The following SNAP91 variants were observed in gnomAD, a reference collection of about 807,000 sequenced individuals.
SNAP91 encodes synaptosome associated protein 91.
Under a neutral mutation model 100.3 loss-of-function variants are expected in SNAP91, and 27 were observed. The observed-to-expected ratio is 0.27, with a 90% CI of 0.20 to 0.37. The LOEUF is 0.37. Ranked by LOEUF, SNAP91 falls within the 10% of genes least tolerant of loss-of-function variation. The pLI is 1.00. For missense variants in SNAP91, 986 were observed against 1,123.7 expected (o/e 0.88, Z 1.75); for synonymous variants, 404 against 398.6 (o/e 1.01, Z -0.16).
chr6:83,613,246 A>T (rs1239505280), intron 11 of SNAP91, among the ~76,000 whole-genome samples: 1 of 152,176 alleles, frequency 6.6e-6, no homozygotes, highest in Non-Finnish European at 1.5e-5. Context: ...TATCTTCTTC[A>T]CTAGATACTA....
chr6:83,641,890 A>G (rs1203417847), intron 7 of SNAP91, among the ~76,000 whole-genome samples: 1 of 152,222 alleles, frequency 6.6e-6, no homozygotes, highest in African/African-American at 2.4e-5. Context: ...TCTCAAGACT[A>G]GAATGCTGTC....
In SNAP91 at chr6:83,560,933, A is replaced by T; in HGVS notation, c.2457T>A (p.Pro819=). 6.2e-7 allele frequency: 1 copy of T among 1,610,276 alleles called. No individual in the cohort carries two copies. The highest frequency in any genetic ancestry group is 8.5e-7 in the Non-Finnish European group (1 of 1,178,746). The change falls in exon 27 of 30, where the codon CCT becomes CCA. Residue 819 remains proline, a synonymous_variant. Coordinates refer to ENST00000369694, the MANE Select transcript of SNAP91 (RefSeq NM_001242792.2). ...PPSAPLQGAV[P]PTSSVPPVAG... is the part of the protein sequence containing the mutation. ...CAACAGGAGGAACTGAACTGGTTGGAGGTACAGCTCCTTGCTACACAGATA... is the reference window on the plus strand; with the variant it reads ...CAACAGGAGGAACTGAACTGGTTGGTGGTACAGCTCCTTGCTACACAGATA...
chr6:83,606,032 T>C (rs1049696438), intron 13 of SNAP91, among the ~76,000 whole-genome samples: 2 of 152,214 alleles, frequency 1.3e-5, no homozygotes, highest in African/African-American at 2.4e-5. Context: ...TTGGTCTCTA[T>C]CATTACTTGA....
chr6:83,644,718 C>T (rs1296366673), intron 7 of SNAP91, among the ~76,000 whole-genome samples: 2 of 152,110 alleles, frequency 1.3e-5, no homozygotes, highest in South Asian at 4.1e-4. Context: ...AGGGAGACAG[C>T]TTACTTACAA....
At chr6:83,668,768 C>T (rs1409193819) in intron 2 of SNAP91, among the ~76,000 whole-genome samples, 1 of 151,864 alleles carries the variant, frequency 6.6e-6, no homozygotes, top group Admixed American at 6.6e-5. Context: ...ATCTCACATA[C>T]ACAAAAGCTT....
chr6:83,656,920 C>G (rs898198314), intron 6 of SNAP91, 55 bp from the exon 7 acceptor site: 6 of 750,662 alleles, frequency 8.0e-6, no homozygotes, highest in Non-Finnish European at 1.1e-5. Flanking sequence ...CTTAATTTTT[C>G]TTGAATCACA....
chr6:83,624,641 C>A (rs217346), intron 8 of SNAP91, among the ~76,000 whole-genome samples: 2 of 151,774 alleles, frequency 1.3e-5, no homozygotes, highest in Admixed American at 6.6e-5. Flanking sequence ...GTCTTGTGCA[C>A]TGTAGGATGT....
intron 2 of SNAP91, among the ~76,000 whole-genome samples, chr6:83,695,863 G>A (rs191869640): frequency 6.7e-6 from 1 of 148,344 alleles, no homozygotes; most frequent in African/African-American, 2.5e-5. Flanking sequence ...AAGGAACACA[G>A]TCCTTTACAA....
intron 28 of SNAP91, 99 bp from the exon 29 acceptor site, chr6:83,556,344 A>AGAGGGAGAGG (rs1562070767): frequency 2.0e-5 from 1 of 50,612 alleles, no homozygotes; most frequent in African/African-American, 1.2e-4. Flanking sequence ...GGAGAGGGGG[A>AGAGGGAGAGG]GAGAGAGAGA....
At chr6:83,664,540 T>C (rs1268025521) in intron 3 of SNAP91, among the ~76,000 whole-genome samples, 1 of 152,064 alleles carries the variant, frequency 6.6e-6, no homozygotes, top group African/African-American at 2.4e-5. Context: ...GGAACTAGAA[T>C]TGGACATGGA....
chr6:83,560,372 G>A (rs1242675792), intron 27 of SNAP91, among the ~76,000 whole-genome samples, 164 bp from the exon 28 acceptor site: 1 of 152,216 alleles, frequency 6.6e-6, no homozygotes, highest in Non-Finnish European at 1.5e-5. Context: ...AGGCTGTACT[G>A]TGAGGGAGAG....
At chr6:83,611,377 A>G (rs2096061395) in intron 11 of SNAP91, 1 of 427,488 alleles carries the variant, frequency 2.3e-6, no homozygotes, top group Non-Finnish European at 4.6e-6. Context: ...TACTGGTAGC[A>G]TTGACTATTG....
intron 21 of SNAP91, 81 bp from the exon 22 acceptor site, chr6:83,591,375 G>A (rs1449628024): frequency 3.4e-6 from 3 of 888,506 alleles, no homozygotes; most frequent in African/African-American, 1.6e-5. Flanking sequence ...ATTATGTAGA[G>A]AAATGCAGAG....
At chr6:83,605,551 T>C in intron 14 of SNAP91, 134 bp downstream of exon 14, 3 of 1,186,062 alleles carry the variant, frequency 2.5e-6, no homozygotes, top group Non-Finnish European at 3.5e-6. Flanking sequence ...ATAAATGCCA[T>C]TCTTAACATT....
In SNAP91 at chr6:83,685,535, T is replaced by C. The variant is rs544675345; in HGVS notation, c.131-19954A>G. On this transcript the variant is annotated intron_variant, in intron 2 of 29. Transcript: ENST00000369694. ...TGTTTAATTTCTTCTTTAATAATTC[T>C]ATGGGGCAAAACTAGGGTATGAACC... is the stretch of plus-strand genomic sequence containing the variant. Among the ~76,000 whole-genome samples the C allele has an allele frequency of 2.0e-5, 3 of 152,246 alleles. No homozygotes were observed. In the South Asian group the frequency reaches 6.2e-4, roughly 31 times the overall value.
At chr6:83,700,418 T>G (rs1232246812) in intron 2 of SNAP91, among the ~76,000 whole-genome samples, 1 of 151,976 alleles carries the variant, frequency 6.6e-6, no homozygotes, top group African/African-American at 2.4e-5. Flanking sequence ...ATGTTTATTA[T>G]TAGTAGTGGT....
At chr6:83,674,962 T>A (rs1012788776) in intron 2 of SNAP91, among the ~76,000 whole-genome samples, 156 of 152,144 alleles carry the variant, frequency 1.0e-3, no homozygotes, top group African/African-American at 3.6e-3. Context: ...ACTGTGTAAG[T>A]CTAGGCGAGA....
Position 83,605,770 on chromosome 6 carries a change from G to A in SNAP91, c.1056C>T (p.Leu352=). 1 of 1,552,982 alleles carries A rather than the reference G, an allele frequency of 6.4e-7. No homozygotes were observed. Among genetic ancestry groups the A allele is most frequent in the East Asian group, 2.4e-5 (1 of 41,078 alleles). The change falls in exon 14 of 30, where the codon CTC becomes CTT. Residue 352 remains leucine (L), a synonymous_variant. Transcript: ENST00000369694. ...TSKPSSDLLD[L]QPDFSSGGAA... Reference sequence around the variant, plus strand: ...CCCCTCCAGAGGAAAAGTCTGGCTGGAGGTCCAGGAGATCACTAGATGGTT... The same window carrying A: ...CCCCTCCAGAGGAAAAGTCTGGCTGAAGGTCCAGGAGATCACTAGATGGTT...
At chr6:83,571,097 T>C (rs367552871) in intron 26 of SNAP91, among the ~76,000 whole-genome samples, 1 of 149,040 alleles carries the variant, frequency 6.7e-6, no homozygotes, top group East Asian at 2.0e-4. Context: ...CCGAGGACCA[T>C]GGGCGCCCAC....
Sources: gnomAD v4.1 joint callset for allele counts (sites outside exome capture counted in the v4.1 genomes callset) on GRCh38, gnomAD v4.1.1 for gene constraint, MANE v1.5 for transcripts, NCBI Gene and HGNC (gene_info 2026-07-23, HGNC 2026-07-21) for gene names.